YARS1: variants seen among roughly 807,000 people sequenced by gnomAD.
YARS1 encodes tyrosyl-tRNA synthetase 1, also known as tyrosine--tRNA ligase, cytoplasmic.
A neutral mutation model predicts 62.2 loss-of-function variants in YARS1; 36 were observed. The observed-to-expected ratio is 0.58, with a 90% CI of 0.44 to 0.76. The LOEUF (loss-of-function observed/expected upper bound fraction) is 0.76, where lower values mean the gene tolerates loss of function less well. YARS1 is among the 30% of genes least tolerant of loss of function. The probability of loss-of-function intolerance (pLI) is 0.00; values close to 1 mark genes in which losing one functional copy is unlikely to be tolerated. For missense variants in YARS1, 524 were observed against 639.8 expected (o/e 0.82, Z 1.95); for synonymous variants, 234 against 244.9 (o/e 0.96, Z 0.42).
In YARS1 at chr1:32,786,431, T is replaced by C. The variant is rs773351140; in HGVS notation, c.837A>G (p.Arg279=). The change falls in exon 8 of 13, where the codon CGA becomes CGG. Residue 279 remains arginine (R), a synonymous_variant. Transcript: ENST00000373477. ...TTTTGTTTCCACCCCATTTCTCATCTCGTAGGATCACAAACTCTATAAGGA... is the reference window on the plus strand; with the variant it reads ...TTTTGTTTCCACCCCATTTCTCATCCCGTAGGATCACAAACTCTATAAGGA... ...FPLKSEFVIL[R]DEKWGGNKTY... is the part of the protein sequence containing the mutation. 1 of 1,613,954 alleles carries C rather than the reference T, an allele frequency of 6.2e-7. No homozygotes were observed. Among genetic ancestry groups the C allele is most frequent in the Admixed American group, 1.7e-5 (1 of 59,998 alleles).
rs150130871 is a variant in YARS1, at chr1:32,778,960, G to A, written c.1476+422C>T. 7.6e-3 allele frequency among the ~76,000 whole-genome samples: 1,155 copies of A among 151,156 alleles called. 7 individuals are homozygous for A. The highest frequency in any genetic ancestry group is 0.013 in the Admixed American group (195 of 15,164). ...TCACCATGTTGGCCAGGCTGGTCTTGAACTCCTGACCTCAGGTGATCCGCC... is the reference window on the plus strand; with the variant it reads ...TCACCATGTTGGCCAGGCTGGTCTTAAACTCCTGACCTCAGGTGATCCGCC... On this transcript the variant is annotated intron_variant, in intron 12 of 12. Transcript: ENST00000373477.
At chr1:32,801,211 T>G (rs1047952531) in intron 4 of YARS1, among the ~76,000 whole-genome samples, 1 of 151,914 alleles carries the variant, frequency 6.6e-6, no homozygotes, top group African/African-American at 2.4e-5. Flanking sequence ...GAATAGAAAA[T>G]GCATATATTT....
chr1:32,805,347 G>A (rs775301743), intron 4 of YARS1, among the ~76,000 whole-genome samples: 9 of 151,250 alleles, frequency 6.0e-5, no homozygotes, highest in Non-Finnish European at 8.8e-5. Context: ...CCCTTTAAAT[G>A]TCATGAACCA....
At chr1:32,784,313 C>G (rs60958989) in intron 8 of YARS1, among the ~76,000 whole-genome samples, 1 of 151,968 alleles carries the variant, frequency 6.6e-6, no homozygotes, top group East Asian at 1.9e-4. Context: ...CCGCACCTGG[C>G]GTACATTAAC....
intron 4 of YARS1, among the ~76,000 whole-genome samples, chr1:32,801,267 A>T (rs1367702299): frequency 6.6e-6 from 1 of 152,032 alleles, no homozygotes; most frequent in Non-Finnish European, 1.5e-5. Flanking sequence ...GGCATACCTC[A>T]GCGATACTGT....
intron 1 of YARS1, among the ~76,000 whole-genome samples, chr1:32,815,377 C>T (rs1169642126): frequency 6.6e-6 from 1 of 152,036 alleles, no homozygotes; most frequent in African/African-American, 2.4e-5. Context: ...AACAAAAAAC[C>T]CAATTGAGTC....
intron 5 of YARS1, among the ~76,000 whole-genome samples, chr1:32,792,885 A>T (rs945287755): frequency 2.0e-5 from 3 of 151,258 alleles, no homozygotes; most frequent in Non-Finnish European, 4.4e-5. Context: ...ATCTCAAAAA[A>T]AAATAAAAAT....
intron 3 of YARS1, among the ~76,000 whole-genome samples, chr1:32,808,774 T>C (rs1424766209): frequency 6.6e-6 from 1 of 152,198 alleles, no homozygotes; most frequent in Non-Finnish European, 1.5e-5. Context: ...CTCATTCAAA[T>C]TGAAACCCCC....
intron 1 of YARS1, chr1:32,816,797 C>T (rs1638751597): frequency 3.5e-6 from 1 of 289,046 alleles, no homozygotes; most frequent in South Asian, 4.5e-5. Context: ...CCCAGTATAG[C>T]ATCTTCCAGT....
intron 5 of YARS1, among the ~76,000 whole-genome samples, chr1:32,792,318 A>G (rs10914614): frequency 0.55 from 84,003 of 152,018 alleles, 23,406 homozygotes; most frequent in East Asian, 0.74. Flanking sequence ...GCTAAGCTGA[A>G]GTAGACGTTC....
In YARS1 at chr1:32,775,865, G is replaced by A. The variant is rs1034895128; in HGVS notation, c.*116C>T. ...TGCCGAGTTCTGCACCGAATAAAGAGTCCAAACCCGCTGCTTCCGTGTCCT... is the reference window on the plus strand; with the variant it reads ...TGCCGAGTTCTGCACCGAATAAAGAATCCAAACCCGCTGCTTCCGTGTCCT... On this transcript the variant is annotated 3_prime_UTR_variant, in exon 13 of 13. Transcript: ENST00000373477. 195 of 979,594 alleles carry A rather than the reference G, an allele frequency of 2.0e-4. 1 individual carries two copies. Among genetic ancestry groups the A allele is most frequent in the Non-Finnish European group, 1.8e-4 (115 of 627,506 alleles). The allele number at this position is 979,594 out of a possible 1,614,324, so 60.7% of individuals were successfully genotyped here. A position where few individuals can be genotyped will look rare whatever the true frequency, so the allele number is the denominator to read the frequency against.
chr1:32,807,262 G>A (rs866037444), intron 3 of YARS1, among the ~76,000 whole-genome samples: 20 of 152,094 alleles, frequency 1.3e-4, no homozygotes, highest in Middle Eastern at 6.8e-3. Context: ...CCATCTTCTC[G>A]GTTTGTTGGC....
intron 12 of YARS1, 123 bp downstream of exon 12, chr1:32,779,259 A>C: frequency 1.3e-6 from 2 of 1,511,040 alleles, no homozygotes; most frequent in Admixed American, 3.4e-5. Flanking sequence ...AGAAGGAGGG[A>C]GAGAGGGGCT....
At chr1:32,787,142 G>A (rs41265865) in intron 6 of YARS1, 67 bp from the exon 7 acceptor site, 2 of 1,594,924 alleles carry the variant, frequency 1.3e-6, no homozygotes, top group Non-Finnish European at 1.7e-6. Flanking sequence ...ACTAATATAA[G>A]TTAAATTTTG....
rs559275099 is a variant in YARS1, at chr1:32,778,741, T to C, written c.1476+641A>G. On this transcript the variant is annotated intron_variant, in intron 12 of 12. Transcript: ENST00000373477. ...CTCATCATTTCTTTTCTTTTCTTTTTTTTTTTTTTTTTTTGAGACGGAGTT... is the reference window on the plus strand; with the variant it reads ...CTCATCATTTCTTTTCTTTTCTTTTCTTTTTTTTTTTTTTGAGACGGAGTT... Among the ~76,000 whole-genome samples the C allele has an allele frequency of 2.3e-3, 331 of 146,576 alleles. 3 individuals carry two copies. Among genetic ancestry groups the C allele is most frequent in the African/African-American group, 7.3e-3 (288 of 39,650 alleles).
At chr1:32,804,522 G>A (rs1199422269) in intron 4 of YARS1, among the ~76,000 whole-genome samples, 3 of 151,344 alleles carry the variant, frequency 2.0e-5, no homozygotes, top group East Asian at 2.0e-4. Context: ...CAGACGGGGC[G>A]GCTGGGCAAA....
chr1:32,784,932 G>A (rs892457429), intron 8 of YARS1, among the ~76,000 whole-genome samples: 5 of 152,120 alleles, frequency 3.3e-5, no homozygotes, highest in African/African-American at 4.8e-5. Context: ...GAAATGAATA[G>A]GAGCCTCTAT....
intron 5 of YARS1, among the ~76,000 whole-genome samples, chr1:32,795,870 T>A (rs1400138397): frequency 6.6e-6 from 1 of 151,964 alleles, no homozygotes; most frequent in African/African-American, 2.4e-5. Flanking sequence ...TTATTCTTCA[T>A]CTTTTTTCAC....
rs1210146925 is a variant in YARS1 at position 32,797,462 on chromosome 1, C to T, written c.591+301G>A. 1.3e-5 allele frequency: 6 copies of T among 457,642 alleles called. No individual in the cohort carries two copies. The East Asian group carries it at 2.5e-4, about 19-fold the overall frequency. The allele number at this position is 457,642 out of a possible 1,614,324, so 28.3% of individuals were successfully genotyped here. On this transcript the variant is annotated intron_variant, in intron 5 of 12. Coordinates refer to ENST00000373477, the MANE Select transcript of YARS1 (RefSeq NM_003680.4). Reference sequence around the variant, plus strand: ...GTAGTTCCAACTGGTAATGCCTCTCCTTGGAAACTGGGCTATTAGGAAAGG... The same window carrying T: ...GTAGTTCCAACTGGTAATGCCTCTCTTTGGAAACTGGGCTATTAGGAAAGG...
Sources: allele counts gnomAD v4.1 joint callset (sites outside exome capture counted in the v4.1 genomes callset), GRCh38; gene constraint gnomAD v4.1.1; transcripts MANE v1.5; gene names NCBI Gene and HGNC (gene_info 2026-07-23, HGNC 2026-07-21).